The following DNAH11 variants were observed in gnomAD, a reference collection of about 807,000 sequenced individuals.
DNAH11 encodes dynein axonemal heavy chain 11, also known as axonemal beta dynein heavy chain 11.
A neutral mutation model predicts 526.0 loss-of-function variants in DNAH11; 442 were observed. The ratio of observed to expected loss-of-function variants is 0.84; its 90% confidence interval spans 0.78 to 0.91. DNAH11 has a LOEUF of 0.91. Ranked by LOEUF, DNAH11 falls within the 40% of genes least tolerant of loss-of-function variation. The probability of loss-of-function intolerance (pLI) is 0.00; values close to 1 mark genes in which losing one functional copy is unlikely to be tolerated. For missense variants in DNAH11, 6,989 were observed against 5,448.7 expected, an observed-to-expected ratio of 1.28 and a Z score of -8.90; for synonymous variants, 2,461 against 1,935.9, an observed-to-expected ratio of 1.27 and a Z score of -7.12.
rs1291065434 is a variant in DNAH11, at chr7:21,892,551, A to G, written c.12634A>G (p.Asn4212Asp). The change falls in exon 77 of 82, where the codon AAT becomes GAT. Residue 4212 changes from asparagine (N) to aspartate (D), a missense_variant. By Grantham distance (23) the Asn-to-Asp change is conservative. Transcript: ENST00000409508. ...ESPALYGLHPNAEIEFLTVTS... is the reference protein window; with the variant it reads ...ESPALYGLHPDAEIEFLTVTS... ...CCCGGCACTGTATGGCCTCCACCCA[A>G]ATGCTGAAATAGAATTCCTGACAGT... 2 of 1,613,944 alleles carry G rather than the reference A, an allele frequency of 1.2e-6. No homozygotes were observed. The highest frequency in any genetic ancestry group is 8.5e-7 in the Non-Finnish European group (1 of 1,179,886).
At chr7:21,562,664 A>T (rs1783515121) in intron 5 of DNAH11, among the ~76,000 whole-genome samples, 1 of 152,186 alleles carries the variant, frequency 6.6e-6, no homozygotes, top group Non-Finnish European at 1.5e-5. Flanking sequence ...GAGTCACCAC[A>T]CATGCTGATC....
intron 48 of DNAH11, among the ~76,000 whole-genome samples, chr7:21,741,229 G>A (rs746908588): frequency 1.3e-5 from 2 of 151,886 alleles, no homozygotes; most frequent in Middle Eastern, 3.4e-3. Context: ...TTTTTTCCAC[G>A]TAGCTTAACT....
At chr7:21,834,421 A>G (rs936215027) in intron 65 of DNAH11, among the ~76,000 whole-genome samples, 1 of 152,184 alleles carries the variant, frequency 6.6e-6, no homozygotes, top group African/African-American at 2.4e-5. Flanking sequence ...TTATGCCTCA[A>G]GGATCTAAAA....
At chr7:21,778,430 A>T (rs1271487565) in intron 56 of DNAH11, among the ~76,000 whole-genome samples, 1 of 152,048 alleles carries the variant, frequency 6.6e-6, no homozygotes, top group African/African-American at 2.4e-5. Flanking sequence ...CAAGAGGCCT[A>T]TTTTCTGTTT....
chr7:21,794,838 G>GA (rs1265150106), intron 61 of DNAH11, among the ~76,000 whole-genome samples: 1 of 152,172 alleles, frequency 6.6e-6, no homozygotes, highest in Non-Finnish European at 1.5e-5. Context: ...GGCTGAGTGG[G>GA]AAAAATGGCT....
chr7:21,729,595 T>A (rs1347788910), intron 45 of DNAH11, among the ~76,000 whole-genome samples: 1 of 152,218 alleles, frequency 6.6e-6, no homozygotes, highest in African/African-American at 2.4e-5. Context: ...GTTAAGTACT[T>A]GAGTTAGTCA....
intron 14 of DNAH11, among the ~76,000 whole-genome samples, chr7:21,598,917 C>G (rs1156346666): frequency 1.3e-5 from 2 of 152,046 alleles, no homozygotes; most frequent in East Asian, 1.9e-4. Flanking sequence ...AGGACATGAT[C>G]TCGTTGTTTT....
chr7:21,618,920 G>A (rs558117733), intron 23 of DNAH11, among the ~76,000 whole-genome samples, 180 bp from the exon 24 acceptor site: 100 of 152,300 alleles, frequency 6.6e-4, no homozygotes, highest in Non-Finnish European at 1.1e-3. Flanking sequence ...GGCAGGTGAC[G>A]CCTCAGGAAT....
chr7:21,679,202 A>G (rs528256136), intron 30 of DNAH11, among the ~76,000 whole-genome samples: 9 of 152,320 alleles, frequency 5.9e-5, no homozygotes, highest in East Asian at 1.9e-4. Flanking sequence ...AGTCTAACAC[A>G]TAGTAACGGT....
intron 74 of DNAH11, among the ~76,000 whole-genome samples, chr7:21,874,700 T>A (rs1301371927): frequency 6.6e-6 from 1 of 151,834 alleles, no homozygotes; most frequent in African/African-American, 2.4e-5. Context: ...TATATACACA[T>A]ATATATGATA....
At chr7:21,626,773 G>A (rs1263307689) in intron 25 of DNAH11, among the ~76,000 whole-genome samples, 7 of 137,288 alleles carry the variant, frequency 5.1e-5, no homozygotes, top group South Asian at 2.4e-4. Context: ...TTTTTTTGAG[G>A]CGGAGTCTCA....
chr7:21,651,362 T>G (rs1204686822), intron 28 of DNAH11, among the ~76,000 whole-genome samples: 1 of 152,112 alleles, frequency 6.6e-6, no homozygotes, highest in East Asian at 1.9e-4. Context: ...TTTTTATTTT[T>G]TATTTATTTA....
chr7:21,610,332 C>T (rs1001130801), intron 20 of DNAH11, among the ~76,000 whole-genome samples: 5 of 152,112 alleles, frequency 3.3e-5, no homozygotes, highest in South Asian at 2.1e-4. Context: ...GTCTATGGTC[C>T]GGTTTTATAC....
chr7:21,862,249 G>A (rs185794337), intron 69 of DNAH11, among the ~76,000 whole-genome samples: 1 of 151,744 alleles, frequency 6.6e-6, no homozygotes, highest in Non-Finnish European at 1.5e-5. Context: ...GGTGGGGTGG[G>A]TATACACATT....
intron 49 of DNAH11, among the ~76,000 whole-genome samples, chr7:21,743,812 A>G (rs1460273046): frequency 6.6e-6 from 1 of 152,220 alleles, no homozygotes; most frequent in Non-Finnish European, 1.5e-5. Context: ...TGCACCTGAC[A>G]CTACCAAATA....
In DNAH11 at chr7:21,619,143, T is replaced by A; in HGVS notation, c.4298T>A (p.Leu1433Ter). The A allele has an allele frequency of 6.2e-7, 1 of 1,613,698 alleles. No homozygotes were observed. The highest frequency in any genetic ancestry group is 8.5e-7 in the Non-Finnish European group (1 of 1,179,720). Reference sequence around the variant, plus strand: ...GAAGCCACAACTTTGGCAGATTTGTTAGCACTGCGGTTACACAGAGTGGAA... The same window carrying A: ...GAAGCCACAACTTTGGCAGATTTGTAAGCACTGCGGTTACACAGAGTGGAA... Reference protein sequence around the residue: ...INEATTLADLLALRLHRVEDD... With the variant: ...INEATTLADL Residue 1433 changes from leucine to a stop codon, truncating the protein, a stop_gained, in exon 24 of 82, where the codon TTA becomes TAA. Transcript: ENST00000409508. LOFTEE classifies it high-confidence loss of function.
chr7:21,806,529 G>A (rs756305617), intron 62 of DNAH11, among the ~76,000 whole-genome samples: 3 of 152,132 alleles, frequency 2.0e-5, no homozygotes, highest in African/African-American at 7.2e-5. Context: ...CATGACCTCC[G>A]ACCTCAGGGT....
At chr7:21,791,530 C>A (rs1387574453) in intron 61 of DNAH11, among the ~76,000 whole-genome samples, 5 of 152,182 alleles carry the variant, frequency 3.3e-5, no homozygotes, top group Admixed American at 1.3e-4. Context: ...GTAAACAGCT[C>A]CTGCTCCCAA....
chr7:21,586,783 A>C (rs1356527083), intron 9 of DNAH11, among the ~76,000 whole-genome samples: 1 of 152,220 alleles, frequency 6.6e-6, no homozygotes, highest in Non-Finnish European at 1.5e-5. Flanking sequence ...TTTCAGAGAA[A>C]ATACCTATAT....
Sources: allele counts gnomAD v4.1 joint callset (sites outside exome capture counted in the v4.1 genomes callset), GRCh38; gene constraint gnomAD v4.1.1; transcripts MANE v1.5; gene names NCBI Gene and HGNC (gene_info 2026-07-23, HGNC 2026-07-21).